Variants in ANK3 observed in about 807,000 individuals in gnomAD.
ANK3 encodes the protein ankyrin-3.
A neutral mutation model predicts 370.9 loss-of-function variants in ANK3; 57 were observed. The ratio of observed to expected loss-of-function variants is 0.15; its 90% CI spans 0.12 to 0.19. The LOEUF is 0.19. Among genes scored for constraint, ANK3 ranks in the 10% least tolerant of loss-of-function variants. ANK3 has a pLI of 1.00. For synonymous variants in ANK3, 1,929 were observed against 1,946.3 expected (o/e 0.99, Z 0.23); for missense variants, 4,439 against 5,302.1 (o/e 0.84, Z 5.06).
At chr10:60,310,265 A>T (rs964896550) in intron 1 of ANK3, among the ~76,000 whole-genome samples, 6 of 152,018 alleles carry the variant, frequency 3.9e-5, no homozygotes, top group African/African-American at 1.4e-4. Flanking sequence ...AAACAGATAC[A>T]CATGTGCACA....
intron 2 of ANK3, among the ~76,000 whole-genome samples, chr10:60,553,038 CT>C (rs1015930655): frequency 3.9e-5 from 6 of 152,196 alleles, no homozygotes; most frequent in Non-Finnish European, 8.8e-5. Flanking sequence ...GAACTTCTTT[CT>C]TTTGAAAATT....
chr10:60,659,310 CA>C (rs1009224315), intron 1 of ANK3, among the ~76,000 whole-genome samples: 2 of 152,122 alleles, frequency 1.3e-5, no homozygotes, highest in African/African-American at 4.8e-5. Flanking sequence ...CAGAATGACA[CA>C]ACTCATCATG....
chr10:60,312,885 C>A (rs1173130428), intron 1 of ANK3, among the ~76,000 whole-genome samples: 1 of 152,182 alleles, frequency 6.6e-6, no homozygotes, highest in Non-Finnish European at 1.5e-5. Context: ...ATTTTCTCTG[C>A]AGTTTGCTCT....
Position 60,172,314 on chromosome 10 carries a change from G to T in ANK3, c.2472C>A (p.Thr824=), listed in dbSNP as rs2095814105. 1.1e-5 allele frequency: 17 copies of T among 1,613,256 alleles called. No individual in the cohort carries two copies. The highest frequency in any genetic ancestry group is 1.4e-5 in the Non-Finnish European group (16 of 1,179,318). The change falls in exon 21 of 44, where the codon ACC becomes ACA. Residue 824 remains threonine, a synonymous_variant. Transcript: ENST00000280772. ...TLKIVTEETM[T]TTTVTEKHKM... ...TTCTGCATTCCTTACTTACAGTTGT[G>T]GTCATGGTCTCTTCGGTCACTATCT...
intron 2 of ANK3, among the ~76,000 whole-genome samples, chr10:60,499,028 C>A (rs2133137702): frequency 6.6e-6 from 1 of 152,296 alleles, no homozygotes; most frequent in South Asian, 2.1e-4. Flanking sequence ...AGTGGCAGTT[C>A]TTTTAACCAC....
chr10:60,158,203 C>A (rs2095403291), intron 23 of ANK3, among the ~76,000 whole-genome samples: 1 of 152,090 alleles, frequency 6.6e-6, no homozygotes, highest in Non-Finnish European at 1.5e-5. Flanking sequence ...AAAACCAGAC[C>A]TATCTTATAA....
chr10:60,442,936 C>T (rs1055003083), intron 2 of ANK3, among the ~76,000 whole-genome samples: 1 of 152,146 alleles, frequency 6.6e-6, no homozygotes, highest in African/African-American at 2.4e-5. Context: ...ACCCAAGGAT[C>T]AATGTGAAAA....
intron 1 of ANK3, among the ~76,000 whole-genome samples, chr10:60,683,032 A>C (rs545564468): frequency 6.6e-6 from 1 of 152,150 alleles, no homozygotes; most frequent in South Asian, 2.1e-4. Context: ...GGGACCTGAC[A>C]CCATCTCCAG....
intron 1 of ANK3, among the ~76,000 whole-genome samples, chr10:60,351,589 T>C (rs1594317258): frequency 1.3e-5 from 2 of 152,346 alleles, no homozygotes; most frequent in Middle Eastern, 3.4e-3. Flanking sequence ...CTTCTTTTAT[T>C]AAAACACAAA....
At chr10:60,693,728 T>C (rs1308438793) in intron 1 of ANK3, among the ~76,000 whole-genome samples, 6 of 152,086 alleles carry the variant, frequency 3.9e-5, no homozygotes, top group African/African-American at 1.2e-4. Flanking sequence ...AGAAAGGACA[T>C]CCACACCAAA....
chr10:60,696,156 C>A (rs184404746), intron 1 of ANK3, among the ~76,000 whole-genome samples: 13,184 of 144,236 alleles, frequency 0.091, 1,023 homozygotes, highest in East Asian at 0.24. Flanking sequence ...ATCTAGAAGT[C>A]ATGGATAAAT....
chr10:60,043,687 C>G (rs1039370578), intron 42 of ANK3: 7 of 985,334 alleles, frequency 7.1e-6, no homozygotes, highest in Non-Finnish European at 8.4e-6. Flanking sequence ...CTTTTAAAGC[C>G]TGTGCTTTTG....
chr10:60,213,818 T>G (rs1387187337), intron 8 of ANK3, among the ~76,000 whole-genome samples: 1 of 152,156 alleles, frequency 6.6e-6, no homozygotes, highest in African/African-American at 2.4e-5. Context: ...ATGCTCACCA[T>G]TAACAAAAAC....
At chr10:60,089,459 TTG>T (rs61497871) in intron 28 of ANK3, among the ~76,000 whole-genome samples, 10,513 of 141,052 alleles carry the variant, frequency 0.075, 315 homozygotes, top group Non-Finnish European at 0.092. Flanking sequence ...TCCATCCAGG[TTG>T]TGTGTGTGTG....
chr10:60,403,251 T>A (rs2063387520), intron 2 of ANK3, among the ~76,000 whole-genome samples: 1 of 152,182 alleles, frequency 6.6e-6, no homozygotes, highest in African/African-American at 2.4e-5. Context: ...ATGGTTTTGC[T>A]GGTGGTTTCT....
At chr10:60,676,843 C>T (rs943936464) in intron 1 of ANK3, among the ~76,000 whole-genome samples, 4 of 152,126 alleles carry the variant, frequency 2.6e-5, no homozygotes, top group African/African-American at 9.7e-5. Flanking sequence ...AGAGTGACTA[C>T]AGTTAACAAT....
At chr10:60,689,810 T>C (rs1216742265) in intron 1 of ANK3, among the ~76,000 whole-genome samples, 1 of 151,786 alleles carries the variant, frequency 6.6e-6, no homozygotes, top group Non-Finnish European at 1.5e-5. Context: ...TATATTTATA[T>C]AGATTTTAGA....
intron 2 of ANK3, among the ~76,000 whole-genome samples, chr10:60,447,211 G>A (rs563542698): frequency 6.6e-6 from 1 of 152,220 alleles, no homozygotes; most frequent in East Asian, 1.9e-4. Flanking sequence ...GGAAGAAGAA[G>A]AAACCCCATA....
chr10:60,696,687 T>A (rs1480050155), intron 1 of ANK3, among the ~76,000 whole-genome samples: 1 of 148,980 alleles, frequency 6.7e-6, no homozygotes, highest in Non-Finnish European at 1.5e-5. Context: ...AAAAGGCCTT[T>A]GACAAAATTC....
Sources: allele counts gnomAD v4.1 joint callset (sites outside exome capture counted in the v4.1 genomes callset), GRCh38; gene constraint gnomAD v4.1.1; transcripts MANE v1.5; gene names NCBI Gene and HGNC (gene_info 2026-07-23, HGNC 2026-07-21).